Variants in IQSEC3 observed in about 807,000 individuals in gnomAD.
The protein encoded by IQSEC3 is IQ motif and SEC7 domain-containing protein 3.
Under a neutral mutation model 105.4 loss-of-function variants are expected in IQSEC3, and 50 were observed. That is an observed-to-expected ratio of 0.47 (90% CI 0.38 to 0.60). The LOEUF (loss-of-function observed/expected upper bound fraction) is 0.60, where lower values mean the gene tolerates loss of function less well. Among genes scored for constraint, IQSEC3 ranks in the 20% least tolerant of loss-of-function variants. The probability of loss-of-function intolerance (pLI) is 0.00; values close to 1 mark genes in which losing one functional copy is unlikely to be tolerated. For synonymous variants in IQSEC3, 708 were observed against 746.0 expected, an observed-to-expected ratio of 0.95 and a Z score of 0.83; for missense variants, 1,415 against 1,630.0, an observed-to-expected ratio of 0.87 and a Z score of 2.27.
chr12:96,191 C>T lies in IQSEC3; in HGVS notation c.555-2955C>T, dbSNP rs553180610. On this transcript the variant is annotated intron_variant, in intron 1 of 13. Transcript: ENST00000538872. ...AAGGGTGGGACAATTTGAAATATGG[C>T]GGTCACAGGTGGATTCAAAGATTTT... 1.8e-4 allele frequency among the ~76,000 whole-genome samples: 28 copies of T among 152,096 alleles called. No individual in the cohort carries two copies. The East Asian group carries it at 3.5e-3, about 19-fold the overall frequency.
intron 1 of IQSEC3, among the ~76,000 whole-genome samples, chr12:89,886 T>C (rs1864028140): frequency 1.3e-5 from 2 of 152,286 alleles, no homozygotes; most frequent in African/African-American, 4.8e-5. Context: ...TTTACATACA[T>C]GAATAGTTTC....
chr12:97,191 T>A (rs1864266057), intron 1 of IQSEC3, among the ~76,000 whole-genome samples: 1 of 152,222 alleles, frequency 6.6e-6, no homozygotes, highest in Non-Finnish European at 1.5e-5. Flanking sequence ...GCTTTGGCTG[T>A]TTTTTCTGCT....
intron 3 of IQSEC3, among the ~76,000 whole-genome samples, chr12:127,310 G>A (rs926860875): frequency 1.3e-5 from 2 of 152,178 alleles, no homozygotes; most frequent in South Asian, 4.1e-4. Context: ...CACGAGGCCA[G>A]GAGTTTGAGA....
chr12:127,366 A>G (rs555870628), intron 3 of IQSEC3, among the ~76,000 whole-genome samples: 2 of 152,276 alleles, frequency 1.3e-5, no homozygotes, highest in South Asian at 4.1e-4. Context: ...TAAAAATACA[A>G]AAATTAGCCA....
At chr12:84,730 G>A (rs1476066943) in intron 1 of IQSEC3, among the ~76,000 whole-genome samples, 1 of 152,186 alleles carries the variant, frequency 6.6e-6, no homozygotes, top group African/African-American at 2.4e-5. Flanking sequence ...GCAAACAGCT[G>A]TTTTTGTGGG....
chr12:91,999 GC>G (rs1159868744), intron 1 of IQSEC3, among the ~76,000 whole-genome samples: 3 of 152,012 alleles, frequency 2.0e-5, no homozygotes, highest in Non-Finnish European at 4.4e-5. Flanking sequence ...GCAAGCTCCT[GC>G]CCAGCCCAGC....
In IQSEC3 at chr12:174,711, C is replaced by T. The variant is rs758958424; in HGVS notation, c.3227C>T (p.Thr1076Ile). ...DLQPSPPRQQ[T>I]PPLPPPPPTP... ...CAGCCTAGCCCCCCGAGACAGCAGACCCCACCACTGCCGCCGCCGCCACCC... is the reference window on the plus strand; with the variant it reads ...CAGCCTAGCCCCCCGAGACAGCAGATCCCACCACTGCCGCCGCCGCCACCC... Residue 1076 changes from threonine (T) to isoleucine (I), a missense_variant, in exon 14 of 14, where the codon ACC (threonine) becomes ATC (isoleucine). Thr to Ile is a moderately conservative substitution (Grantham distance 89). Transcript: ENST00000538872. 8 of 1,593,794 alleles carry T rather than the reference C, an allele frequency of 5.0e-6. No individual in the cohort carries two copies. Among genetic ancestry groups the T allele is most frequent in the Non-Finnish European group, 6.8e-6 (8 of 1,178,298 alleles).
At chr12:69,807 T>G (rs555307076) in intron 1 of IQSEC3, among the ~76,000 whole-genome samples, 1 of 152,274 alleles carries the variant, frequency 6.6e-6, no homozygotes, top group Non-Finnish European at 1.5e-5. Flanking sequence ...GCTAATGACA[T>G]GTTTCGTCCT....
At position 174,748 on chromosome 12, in the gene IQSEC3, C is replaced by T. The variant is rs778320953; in HGVS notation, c.3264C>T (p.Gly1088=). 6 of 1,592,054 alleles carry T rather than the reference C, an allele frequency of 3.8e-6. No individual in the cohort carries two copies. The highest frequency in any genetic ancestry group is 5.1e-6 in the Non-Finnish European group (6 of 1,177,498). ...CGCCGCCGCCACCCACGCCCCCGGG[C>T]ACCCTGGTGCAGTGCCAGCAAATTG... ...PLPPPPPTPP[G]TLVQCQQIVK... The change falls in exon 14 of 14, where the codon GGC becomes GGT. Residue 1088 remains glycine, a synonymous_variant. Coordinates refer to ENST00000538872, the MANE Select transcript of IQSEC3 (RefSeq NM_001170738.2).
intron 7 of IQSEC3, among the ~76,000 whole-genome samples, chr12:161,516 C>T (rs10773936): frequency 0.91 from 138,140 of 152,082 alleles, 63,346 homozygotes; most frequent in Non-Finnish European, 0.97. Flanking sequence ...CAAAAGAGAA[C>T]GAAACAGAAG....
intron 1 of IQSEC3, among the ~76,000 whole-genome samples, chr12:74,634 G>A (rs1183731150): frequency 6.6e-6 from 1 of 152,258 alleles, no homozygotes; most frequent in Non-Finnish European, 1.5e-5. Context: ...CCAAGTCCCT[G>A]CCCAGAGAAG....
chr12:169,060 T>C lies in IQSEC3; in HGVS notation c.3019T>C (p.Cys1007Arg). 6.2e-7 allele frequency: 1 copy of C among 1,614,052 alleles called. No homozygotes were observed. The highest frequency in any genetic ancestry group is 8.5e-7 in the Non-Finnish European group (1 of 1,180,004). The change falls in exon 12 of 14, where the codon TGC becomes CGC. Residue 1007 changes from cysteine (C) to arginine (R), a missense_variant. Physicochemically the swap from Cys to Arg is radical, Grantham distance 180 (BLOSUM62 -3). Transcript: ENST00000538872. ...QGTKTLSFKP[C>R]GAQGDPQSKQ... ...AACAAAGACACTCTCCTTCAAGCCC[T>C]GCGGAGCCCAGGGGGACCCACAGTC...
intron 4 of IQSEC3, chr12:139,743 G>A (rs1865936978): frequency 6.0e-6 from 1 of 168,008 alleles, no homozygotes; most frequent in Non-Finnish European, 1.3e-5. Flanking sequence ...TGAAGCCAGG[G>A]AAAACGCATT....
chr12:90,058 G>T (rs1555072993), intron 1 of IQSEC3, among the ~76,000 whole-genome samples: 1 of 152,212 alleles, frequency 6.6e-6, no homozygotes, highest in Non-Finnish European at 1.5e-5. Flanking sequence ...AGTTCCAGGT[G>T]CTCCGCACCC....
chr12:166,220 C>G (rs1938644835), intron 11 of IQSEC3: 1 of 321,748 alleles, frequency 3.1e-6, no homozygotes, highest in South Asian at 8.4e-5. Context: ...CCATGGGGCT[C>G]TGGTGCGTTC....
chr12:162,893 G>T (rs1237575964), intron 8 of IQSEC3, among the ~76,000 whole-genome samples: 1 of 152,118 alleles, frequency 6.6e-6, no homozygotes, highest in African/African-American at 2.4e-5. Flanking sequence ...TGCCCTCAAG[G>T]TTACGGAGGG....
intron 5 of IQSEC3, chr12:147,739 G>T (rs1866336595): frequency 6.6e-6 from 1 of 152,062 alleles, no homozygotes; most frequent in African/African-American, 2.4e-5. Flanking sequence ...ACAAAATCAG[G>T]TACTCTCCCA....
intron 2 of IQSEC3, among the ~76,000 whole-genome samples, chr12:109,190 TA>T (rs1186896512): frequency 1.3e-5 from 2 of 152,230 alleles, no homozygotes; most frequent in Admixed American, 6.5e-5. Flanking sequence ...CTGTTTCACA[TA>T]AAAAGTCAGA....
chr12:67,643 A>G (rs1392354922), intron 1 of IQSEC3, among the ~76,000 whole-genome samples: 10 of 144,792 alleles, frequency 6.9e-5, no homozygotes, highest in Admixed American at 6.6e-4. Flanking sequence ...GCTGGAGCAA[A>G]AAGGAGTAAC....
Sources: gnomAD v4.1 joint callset for allele counts (sites outside exome capture counted in the v4.1 genomes callset) on GRCh38, gnomAD v4.1.1 for gene constraint, MANE v1.5 for transcripts, NCBI Gene and HGNC (gene_info 2026-07-23, HGNC 2026-07-21) for gene names.